Variants in VPS35L observed in about 807,000 individuals in gnomAD.
The protein encoded by VPS35L is VPS35 endosomal protein-sorting factor-like.
In VPS35L, 83 loss-of-function variants were observed where a neutral mutation model predicts 133.0. The observed-to-expected ratio is 0.62, with a 90% confidence interval of 0.52 to 0.75. VPS35L has a LOEUF of 0.75. Ranked by LOEUF, VPS35L falls within the 30% of genes least tolerant of loss-of-function variation. VPS35L has a pLI of 0.00. For missense variants in VPS35L, 1,083 were observed against 1,206.8 expected, an observed-to-expected ratio of 0.90 and a Z score of 1.52; for synonymous variants, 423 against 449.9, an observed-to-expected ratio of 0.94 and a Z score of 0.76.
chr16:19,700,736 C>T lies in VPS35L; in HGVS notation c.*260C>T. 1 of 419,936 alleles carries T rather than the reference C, an allele frequency of 2.4e-6. No homozygotes were observed. Among genetic ancestry groups the T allele is most frequent in the Non-Finnish European group, 4.2e-6 (1 of 235,594 alleles). 26.0% of individuals were successfully genotyped at this position (419,936 alleles called of 1,614,324 possible). A position where few individuals can be genotyped will look rare whatever the true frequency, so the allele number is the denominator to read the frequency against. On this transcript the variant is annotated 3_prime_UTR_variant, in exon 31 of 31. Transcript: ENST00000417362. ...CACAAGTGGCCTTCGGTCTACTCAG[C>T]CCGATCTGATGGGCCTTTTTAGCAA...
In VPS35L at chr16:19,599,537, C is replaced by CTTT. The variant is rs10709909; in HGVS notation, c.725-2114_725-2112dup. 1.3e-3 allele frequency among the ~76,000 whole-genome samples: 195 copies of CTTT among 145,648 alleles called. No homozygotes were observed. In the Middle Eastern group the frequency reaches 0.014, roughly 10 times the overall value. The stretch of plus-strand genomic sequence containing the variant: ...TTCCTAGTCCTCATCCTCCAAAATA[C>CTTT]TTTTTTTTTTTTTTTAAAGACAGTG... On this transcript the variant is annotated intron_variant, in intron 8 of 30. Transcript: ENST00000417362.
At chr16:19,671,468 CA>C (rs36049125) in intron 27 of VPS35L, among the ~76,000 whole-genome samples, 55,387 of 134,036 alleles carry the variant, frequency 0.41, 11,294 homozygotes, top group African/African-American at 0.56. Context: ...GACTCCATCT[CA>C]AAAAAAAAAA....
intron 28 of VPS35L, among the ~76,000 whole-genome samples, chr16:19,685,860 G>T (rs1322700920): frequency 6.6e-6 from 1 of 152,068 alleles, no homozygotes; most frequent in Non-Finnish European, 1.5e-5. Context: ...CTGGAAGTGA[G>T]GCTATCACAG....
chr16:19,660,619 A>G (rs780686517), intron 26 of VPS35L, among the ~76,000 whole-genome samples: 1 of 152,200 alleles, frequency 6.6e-6, no homozygotes, highest in Non-Finnish European at 1.5e-5. Flanking sequence ...CTTGACTGTC[A>G]CTTATGATTC....
chr16:19,590,391 T>C, intron 7 of VPS35L, among the ~76,000 whole-genome samples: 1 of 152,206 alleles, frequency 6.6e-6, no homozygotes, highest in Admixed American at 6.5e-5. Context: ...ACATCTTTTT[T>C]TTAATTTTTA....
chr16:19,633,078 T>G lies in VPS35L; in HGVS notation c.1555-14T>G, dbSNP rs753082174. On this transcript the variant is annotated splice_polypyrimidine_tract_variant and intron_variant, in intron 18 of 30. Transcript: ENST00000417362. The surrounding 1 kb of genome is among the most constrained non-coding windows in gnomAD (Gnocchi z 4.1). The stretch of plus-strand genomic sequence containing the variant: ...CAGTGTCTAATTCAGGTTTGGTTCC[T>G]TTTTCCTGCTTAGAAACGAGAGGTG... 6 of 1,611,106 alleles carry G rather than the reference T, an allele frequency of 3.7e-6. No homozygotes were observed. In the African/African-American group the frequency reaches 6.7e-5, roughly 18 times the overall value.
intron 22 of VPS35L, among the ~76,000 whole-genome samples, chr16:19,643,118 T>A (rs1196096236): frequency 6.7e-6 from 1 of 148,928 alleles, no homozygotes; most frequent in Non-Finnish European, 1.5e-5. Context: ...ACTGTATTTC[T>A]TCTTTGTTTT....
chr16:19,615,921 C>T (rs773506307), intron 12 of VPS35L, among the ~76,000 whole-genome samples, 193 bp from the exon 13 acceptor site: 46 of 151,198 alleles, frequency 3.0e-4, no homozygotes, highest in Middle Eastern at 6.8e-3. Flanking sequence ...CAGCTGAAAT[C>T]GCACCCACCG....
rs781173566 is a variant in VPS35L, at chr16:19,601,650, C to A, written c.725-14C>A. 1 of 1,613,746 alleles carries A rather than the reference C, an allele frequency of 6.2e-7. No individual in the cohort carries two copies. Among genetic ancestry groups the A allele is most frequent in the South Asian group, 1.1e-5 (1 of 91,062 alleles). On this transcript the variant is annotated splice_polypyrimidine_tract_variant and intron_variant, in intron 8 of 30. Transcript: ENST00000417362. Reference sequence around the variant, plus strand: ...AGAGTGTGATACTAACACCATCTGTCCTTTTCCTCCCAGGAAAGCTCGTGT... The same window carrying A: ...AGAGTGTGATACTAACACCATCTGTACTTTTCCTCCCAGGAAAGCTCGTGT...
chr16:19,568,611 T>C (rs1470590368), intron 2 of VPS35L, among the ~76,000 whole-genome samples: 1 of 151,956 alleles, frequency 6.6e-6, no homozygotes, highest in African/African-American at 2.4e-5. Flanking sequence ...CAAAAGATGC[T>C]CCTATCACCC....
At chr16:19,645,112 G>A (rs969562476) in intron 23 of VPS35L, among the ~76,000 whole-genome samples, 163 bp downstream of exon 23, 1 of 152,000 alleles carries the variant, frequency 6.6e-6, no homozygotes, top group African/African-American at 2.4e-5. Flanking sequence ...CTCCCCTGGG[G>A]GCAAAGAGAG....
chr16:19,647,160 C>T (rs547448665), intron 23 of VPS35L, among the ~76,000 whole-genome samples: 1 of 152,298 alleles, frequency 6.6e-6, no homozygotes, highest in African/African-American at 2.4e-5. Context: ...CCAAGTCGCT[C>T]TCCTTTGCCC....
At chr16:19,647,632 T>G (rs1973991922) in intron 23 of VPS35L, 152 bp from the exon 24 acceptor site, 1 of 636,264 alleles carries the variant, frequency 1.6e-6, no homozygotes, top group Non-Finnish European at 2.8e-6. Flanking sequence ...CACTCTGAGC[T>G]TCTGTTTTAT....
At chr16:19,612,180 G>A (rs776432280) in intron 12 of VPS35L, among the ~76,000 whole-genome samples, 27 of 151,926 alleles carry the variant, frequency 1.8e-4, no homozygotes, top group Non-Finnish European at 3.5e-4. Context: ...CTCATGATCC[G>A]CCTGCCCCGG....
chr16:19,585,843 A>G (rs575724654), intron 7 of VPS35L, among the ~76,000 whole-genome samples: 1 of 152,148 alleles, frequency 6.6e-6, no homozygotes, highest in Non-Finnish European at 1.5e-5. Flanking sequence ...TCTATAGTGA[A>G]ATGTCTATTC....
intron 26 of VPS35L, among the ~76,000 whole-genome samples, chr16:19,653,497 C>T (rs1974200222): frequency 1.3e-5 from 2 of 152,150 alleles, no homozygotes; most frequent in Admixed American, 6.6e-5. Context: ...AACTAACTTG[C>T]TTGGGGTAGA....
At chr16:19,611,291 C>T (rs1300563687) in intron 12 of VPS35L, among the ~76,000 whole-genome samples, 6 of 152,180 alleles carry the variant, frequency 3.9e-5, no homozygotes, top group African/African-American at 9.7e-5. Context: ...TGAGCCACTG[C>T]GCCCGGCCAG....
At chr16:19,578,197 A>G in intron 5 of VPS35L, 1 of 440,110 alleles carries the variant, frequency 2.3e-6, no homozygotes, top group Admixed American at 2.6e-5. Flanking sequence ...TGGAGCAGAC[A>G]CTTTGTGACT....
chr16:19,563,016 G>A (rs903341835), intron 1 of VPS35L, among the ~76,000 whole-genome samples: 2 of 151,996 alleles, frequency 1.3e-5, no homozygotes, highest in South Asian at 2.1e-4. Context: ...CCACCCATCT[G>A]TACCTCCCAA....
Sources: gnomAD v4.1 joint callset for allele counts (sites outside exome capture counted in the v4.1 genomes callset) on GRCh38, gnomAD v4.1.1 for gene constraint, Gnocchi (gnomAD v3.1) non-coding constraint, MANE v1.5 for transcripts, NCBI Gene and HGNC (gene_info 2026-07-23, HGNC 2026-07-21) for gene names.